Variants in NLGN1 observed in about 807,000 individuals in gnomAD.
NLGN1 encodes neuroligin 1.
Under a neutral mutation model 65.5 loss-of-function variants are expected in NLGN1, and 12 were observed. The ratio of observed to expected loss-of-function variants is 0.18; its 90% CI spans 0.12 to 0.30. The LOEUF (loss-of-function observed/expected upper bound fraction) is 0.30, where lower values mean the gene tolerates loss of function less well. NLGN1 is among the 10% of genes least tolerant of loss of function. The pLI is 1.00. For synonymous variants in NLGN1, 350 were observed against 359.5 expected, an observed-to-expected ratio of 0.97 and a Z score of 0.30; for missense variants, 750 against 1,007.1, an observed-to-expected ratio of 0.74 and a Z score of 3.46.
downstream of NLGN1, among the ~76,000 whole-genome samples, chr3:174,288,420 C>T (rs1752365030): frequency 6.6e-6 from 1 of 151,440 alleles, no homozygotes; most frequent in Non-Finnish European, 1.5e-5. Flanking sequence ...TGAACACTGC[C>T]ATGGGTCTGA....
At chr3:174,250,770 G>A (rs988024278) in intron 4 of NLGN1, among the ~76,000 whole-genome samples, 1 of 151,990 alleles carries the variant, frequency 6.6e-6, no homozygotes, top group Admixed American at 6.6e-5. Context: ...GGGGAAAGAA[G>A]CAGCTGTGAC....
At chr3:173,568,819 G>A (rs536951597) in intron 2 of NLGN1, among the ~76,000 whole-genome samples, 38 of 152,196 alleles carry the variant, frequency 2.5e-4, no homozygotes, top group Non-Finnish European at 4.0e-4. Context: ...GACTACAGAC[G>A]CCTGCCACCA....
intron 4 of NLGN1, among the ~76,000 whole-genome samples, chr3:174,023,692 C>T (rs1451633860): frequency 6.6e-6 from 1 of 152,066 alleles, no homozygotes; most frequent in Non-Finnish European, 1.5e-5. Flanking sequence ...GCTGTAATGT[C>T]TATGTTAATA....
intron 2 of NLGN1, among the ~76,000 whole-genome samples, chr3:173,543,227 C>A (rs908786328): frequency 6.6e-6 from 1 of 152,128 alleles, no homozygotes; most frequent in African/African-American, 2.4e-5. Flanking sequence ...TAGCTTCCAG[C>A]TAATTTCACA....
At chr3:174,212,715 C>G (rs1464788413) in intron 4 of NLGN1, among the ~76,000 whole-genome samples, 1 of 152,314 alleles carries the variant, frequency 6.6e-6, no homozygotes, top group South Asian at 2.1e-4. Context: ...TAAAACAACA[C>G]AAAGTTATTT....
intron 3 of NLGN1, among the ~76,000 whole-genome samples, chr3:173,802,079 A>G (rs1715561551): frequency 6.6e-6 from 1 of 152,120 alleles, no homozygotes; most frequent in African/African-American, 2.4e-5. Flanking sequence ...TTCCCCATTT[A>G]GGCAAAGGGT....
chr3:174,025,720 G>T (rs749379379), intron 4 of NLGN1, among the ~76,000 whole-genome samples: 3 of 152,150 alleles, frequency 2.0e-5, no homozygotes, highest in Non-Finnish European at 4.4e-5. Flanking sequence ...GACTGCTAAG[G>T]ATGCAGGAAG....
chr3:173,831,465 C>T (rs1722546479), intron 4 of NLGN1, among the ~76,000 whole-genome samples: 1 of 152,212 alleles, frequency 6.6e-6, no homozygotes, highest in South Asian at 2.1e-4. Flanking sequence ...GTGAACACAA[C>T]TACTACAGTG....
intron 4 of NLGN1, among the ~76,000 whole-genome samples, chr3:174,095,657 T>C (rs1000470132): frequency 7.2e-5 from 11 of 152,052 alleles, no homozygotes; most frequent in Non-Finnish European, 1.3e-4. Flanking sequence ...TGTAAATGCG[T>C]GTGTATAGAT....
chr3:173,501,531 C>T (rs957365615), intron 2 of NLGN1, among the ~76,000 whole-genome samples: 14 of 151,974 alleles, frequency 9.2e-5, no homozygotes, highest in Non-Finnish European at 1.3e-4. Context: ...TATCATAATA[C>T]AGTAGTTCTG....
intron 4 of NLGN1, among the ~76,000 whole-genome samples, chr3:174,259,307 A>G (rs1023472896): frequency 1.3e-5 from 2 of 152,054 alleles, no homozygotes; most frequent in African/African-American, 4.8e-5. Flanking sequence ...ACTCAGACCC[A>G]GCTATTTTCA....
At chr3:173,629,790 A>G (rs949007055) in intron 3 of NLGN1, among the ~76,000 whole-genome samples, 1 of 152,162 alleles carries the variant, frequency 6.6e-6, no homozygotes, top group Non-Finnish European at 1.5e-5. Context: ...ATTGCTTAAA[A>G]AAAAGAGACA....
At chr3:173,695,059 G>A (rs1228995506) in intron 3 of NLGN1, among the ~76,000 whole-genome samples, 1 of 152,048 alleles carries the variant, frequency 6.6e-6, no homozygotes, top group African/African-American at 2.4e-5. Context: ...AGCTATATAT[G>A]TTGAGCCTGA....
chr3:173,867,563 A>G (rs528637755), intron 4 of NLGN1, among the ~76,000 whole-genome samples: 57 of 152,236 alleles, frequency 3.7e-4, no homozygotes, highest in Middle Eastern at 3.4e-3. Context: ...TTTTAAAGAA[A>G]CATATAATGT....
chr3:173,667,678 G>T (rs191932769), intron 3 of NLGN1, among the ~76,000 whole-genome samples: 8 of 151,984 alleles, frequency 5.3e-5, no homozygotes, highest in African/African-American at 1.9e-4. Flanking sequence ...TGCCCAGGCC[G>T]GAGTACAGTG....
chr3:173,534,684 A>C (rs1432053829), intron 2 of NLGN1, among the ~76,000 whole-genome samples: 2 of 152,228 alleles, frequency 1.3e-5, no homozygotes, highest in Non-Finnish European at 2.9e-5. Context: ...TGTCTAAAGG[A>C]CATAAAGAAG....
At chr3:173,650,614 A>T (rs918236108) in intron 3 of NLGN1, among the ~76,000 whole-genome samples, 4 of 152,120 alleles carry the variant, frequency 2.6e-5, no homozygotes, top group African/African-American at 9.7e-5. Context: ...TTACTTTTTT[A>T]TTCACCAAAA....
chr3:173,618,575 A>T (rs1753502909), intron 3 of NLGN1, among the ~76,000 whole-genome samples: 1 of 152,128 alleles, frequency 6.6e-6, no homozygotes, highest in Non-Finnish European at 1.5e-5. Flanking sequence ...GAAACGAGAG[A>T]GTGAGACTAT....
At chr3:173,944,534 T>G (rs1444716550) in intron 4 of NLGN1, among the ~76,000 whole-genome samples, 1 of 152,048 alleles carries the variant, frequency 6.6e-6, no homozygotes, top group African/African-American at 2.4e-5. Context: ...AAACCTAGGA[T>G]GTTTGCCACC....
Sources: allele counts gnomAD v4.1 joint callset (sites outside exome capture counted in the v4.1 genomes callset), GRCh38; gene constraint gnomAD v4.1.1; transcripts MANE v1.5; gene names NCBI Gene and HGNC (gene_info 2026-07-23, HGNC 2026-07-21).